The following ST18 variants were observed in gnomAD, a reference collection of about 807,000 sequenced individuals.
ST18 encodes ST18 C2H2C-type zinc finger transcription factor, also known as suppression of tumorigenicity 18 protein.
Under a neutral mutation model 110.0 loss-of-function variants are expected in ST18, and 50 were observed. That is an observed-to-expected ratio of 0.45 (90% CI 0.36 to 0.58). The LOEUF (loss-of-function observed/expected upper bound fraction) is 0.58, where lower values mean the gene tolerates loss of function less well. Among genes scored for constraint, ST18 ranks in the 20% least tolerant of loss-of-function variants. ST18 has a pLI of 0.00. For missense variants in ST18, 1,306 were observed against 1,280.1 expected (o/e 1.02, Z -0.31); for synonymous variants, 461 against 452.4 (o/e 1.02, Z -0.24).
intron 2 of ST18, among the ~76,000 whole-genome samples, chr8:52,352,842 A>G (rs1403372828): frequency 2.6e-5 from 4 of 152,214 alleles, no homozygotes; most frequent in Non-Finnish European, 5.9e-5. Context: ...CCTATATACC[A>G]GGCAGTATGT....
chr8:52,395,700 C>T (rs1590681927), intron 2 of ST18, among the ~76,000 whole-genome samples: 1 of 152,180 alleles, frequency 6.6e-6, no homozygotes, highest in African/African-American at 2.4e-5. Flanking sequence ...CTGGTGACTT[C>T]ATATCCTGCC....
At chr8:52,289,393 G>A (rs1378050937) in intron 2 of ST18, among the ~76,000 whole-genome samples, 1 of 152,132 alleles carries the variant, frequency 6.6e-6, no homozygotes, top group Non-Finnish European at 1.5e-5. Flanking sequence ...CCAGGAAGTT[G>A]AGGCTTCAGT....
rs145650455 is a variant in ST18 at position 52,155,787 on chromosome 8, T to C, written c.1806+3111A>G. On this transcript the variant is annotated intron_variant, in intron 15 of 25. Coordinates refer to ENST00000689386, the MANE Select transcript of ST18 (RefSeq NM_001352837.2). ...CAATTTTACAAAGCACCAATTCAGA[T>C]TGCCCATTAAGCTTGGAGTCTGTTG... Among the ~76,000 whole-genome samples the C allele has an allele frequency of 3.5e-3, 531 of 152,306 alleles. 4 individuals are homozygous for C. The highest frequency in any genetic ancestry group is 5.9e-3 in the Non-Finnish European group (402 of 68,022).
chr8:52,344,461 C>T (rs1439805086), intron 2 of ST18, among the ~76,000 whole-genome samples: 2 of 151,724 alleles, frequency 1.3e-5, no homozygotes, highest in Non-Finnish European at 2.9e-5. Context: ...AGTGCAATGG[C>T]AGGATCTCGG....
At position 52,133,306 on chromosome 8, in the gene ST18, A is replaced by G; in HGVS notation, c.2301-5T>C. On this transcript the variant is annotated splice_polypyrimidine_tract_variant and splice_region_variant and intron_variant, in intron 19 of 25. Coordinates refer to ENST00000689386, the MANE Select transcript of ST18 (RefSeq NM_001352837.2). ...TCGCAGCCTGGGGTTGGACACCTGG[A>G]AGGCACAGGAAGAGAGCATGGGCTG... 1 of 1,614,108 alleles carries G rather than the reference A, an allele frequency of 6.2e-7. No individual in the cohort carries two copies.
At chr8:52,210,181 G>C in intron 8 of ST18, 1 of 455,864 alleles carries the variant, frequency 2.2e-6, no homozygotes. Context: ...GGAGCACTGG[G>C]TCATTTTAAA....
Position 52,246,365 on chromosome 8 carries a change from T to C in ST18, c.-464-16288A>G, listed in dbSNP as rs2093851644. On this transcript the variant is annotated intron_variant, in intron 2 of 25. Coordinates refer to ENST00000689386, the MANE Select transcript of ST18 (RefSeq NM_001352837.2). Reference sequence around the variant, plus strand: ...TTTTAAAAAACAGAAAGAAGAAAACTGCATAATCTTAAGAGTTAAAGACCT... The same window carrying C: ...TTTTAAAAAACAGAAAGAAGAAAACCGCATAATCTTAAGAGTTAAAGACCT... 2.0e-5 allele frequency among the ~76,000 whole-genome samples: 3 copies of C among 152,000 alleles called. No homozygotes were observed. The South Asian group carries it at 6.2e-4, about 31-fold the overall frequency.
At chr8:52,181,132 C>G (rs2069327911) in intron 8 of ST18, among the ~76,000 whole-genome samples, 1 of 152,266 alleles carries the variant, frequency 6.6e-6, no homozygotes, top group South Asian at 2.1e-4. Context: ...TTGGCAAGAT[C>G]CATGAAAATC....
chr8:52,404,481 G>T (rs1482678200), intron 2 of ST18: 1 of 152,202 alleles, frequency 6.6e-6, no homozygotes, highest in Non-Finnish European at 1.5e-5. Flanking sequence ...AGATTTAAGA[G>T]ATAGAGGGCA....
intron 8 of ST18, among the ~76,000 whole-genome samples, chr8:52,208,351 G>T (rs1400791372): frequency 6.6e-6 from 1 of 152,166 alleles, no homozygotes; most frequent in Non-Finnish European, 1.5e-5. Flanking sequence ...CAGAATTTAG[G>T]CACACAGTTG....
chr8:52,150,062 A>T lies in ST18; in HGVS notation c.1807-85T>A, dbSNP rs1171855095. 8.0e-6 allele frequency: 12 copies of T among 1,491,786 alleles called. No individual in the cohort carries two copies. The East Asian group carries it at 2.7e-4, about 34-fold the overall frequency. The allele number at this position is 1,491,786 out of a possible 1,614,324, so 92.4% of individuals were successfully genotyped here. On this transcript the variant is annotated intron_variant, in intron 15 of 25. Coordinates refer to ENST00000689386, the MANE Select transcript of ST18 (RefSeq NM_001352837.2). ...GTGGGGCTTTTAAGGGATCATTTTA[A>T]ATGTAAGCTTTTATGTAAGTATATC...
intron 10 of ST18, among the ~76,000 whole-genome samples, chr8:52,168,632 C>T (rs972327449): frequency 3.9e-5 from 6 of 152,072 alleles, no homozygotes; most frequent in Non-Finnish European, 8.8e-5. Flanking sequence ...AAATGAGCAA[C>T]GAACGGCCAG....
At position 52,260,814 on chromosome 8, in the gene ST18, A is replaced by C. The variant is rs548457808; in HGVS notation, c.-464-30737T>G. On this transcript the variant is annotated intron_variant, in intron 2 of 25. Transcript: ENST00000689386. Reference sequence around the variant, plus strand: ...AAGGCTTATAATGATTCCGCTTAGAAAAAACCCCACATTTCCTGGACAGAT... The same window carrying C: ...AAGGCTTATAATGATTCCGCTTAGACAAAACCCCACATTTCCTGGACAGAT... Among the ~76,000 whole-genome samples the C allele has an allele frequency of 2.0e-5, 3 of 152,364 alleles. No homozygotes were observed. The South Asian group carries it at 6.2e-4, about 32-fold the overall frequency.
At chr8:52,381,203 A>T (rs1340285656) in intron 2 of ST18, among the ~76,000 whole-genome samples, 2 of 152,180 alleles carry the variant, frequency 1.3e-5, no homozygotes, top group African/African-American at 4.8e-5. Flanking sequence ...CTACCTGCGG[A>T]CTAAAAACCA....
At chr8:52,166,384 T>G (rs1317915441) in intron 11 of ST18, among the ~76,000 whole-genome samples, 1 of 152,182 alleles carries the variant, frequency 6.6e-6, no homozygotes, top group Non-Finnish European at 1.5e-5. Context: ...TGGGGCACTG[T>G]TCTTCTGCCC....
intron 2 of ST18, among the ~76,000 whole-genome samples, chr8:52,332,525 T>C (rs1042787095): frequency 2.9e-5 from 4 of 137,376 alleles, no homozygotes; most frequent in African/African-American, 5.3e-5. Flanking sequence ...GAGCATCTAA[T>C]GTAGCTTTTT....
chr8:52,191,097 G>T (rs1160803027), intron 8 of ST18, among the ~76,000 whole-genome samples: 2 of 152,202 alleles, frequency 1.3e-5, no homozygotes, highest in East Asian at 1.9e-4. Context: ...GCCAGTTTTG[G>T]CTGCATAGCA....
In ST18 at chr8:52,172,239, T is replaced by G. The variant is rs77542952; in HGVS notation, c.622A>C (p.Asn208His). ...GGTGGTTTGGTTTCTTCTGAGAAGT[T>G]GGAGCCACTGTCCCAGCCATTTTCT... is the stretch of plus-strand genomic sequence containing the variant. The part of the protein sequence containing the change: ...SAENGWDSGS[N>H]FSEETKPPRV... Residue 208 changes from asparagine (N) to histidine (H), a missense_variant, in exon 10 of 26, where the codon AAC becomes CAC. Coordinates refer to ENST00000689386, the MANE Select transcript of ST18 (RefSeq NM_001352837.2). 1.2e-3 allele frequency: 1,873 copies of G among 1,614,202 alleles called. 30 individuals are homozygous for G. The African/African-American group carries it at 0.021, about 18-fold the overall frequency.
chr8:52,167,421 G>A (rs2063381066), intron 10 of ST18, among the ~76,000 whole-genome samples: 1 of 152,250 alleles, frequency 6.6e-6, no homozygotes. Context: ...CACCATATCT[G>A]AGAAAGACCT....
Sources: allele counts gnomAD v4.1 joint callset (sites outside exome capture counted in the v4.1 genomes callset), GRCh38; gene constraint gnomAD v4.1.1; transcripts MANE v1.5; gene names NCBI Gene and HGNC (gene_info 2026-07-23, HGNC 2026-07-21).